The following TKFC variants were observed in gnomAD, a reference collection of about 807,000 sequenced individuals.
TKFC encodes the protein triokinase and FMN cyclase.
In TKFC, 46 loss-of-function variants were observed where a neutral mutation model predicts 61.0. That is an observed-to-expected ratio of 0.75 (90% CI 0.60 to 0.96). TKFC has a LOEUF of 0.96. Among genes scored for constraint, TKFC ranks in the 50% least tolerant of loss-of-function variants. TKFC has a pLI of 0.00. For synonymous variants in TKFC, 314 were observed against 330.1 expected (o/e 0.95, Z 0.53); for missense variants, 715 against 777.5 (o/e 0.92, Z 0.96).
In TKFC at chr11:61,348,544, A is replaced by T; in HGVS notation, c.*2041A>T. On this transcript the variant is annotated 3_prime_UTR_variant, in exon 18 of 18. Transcript: ENST00000394900. ...CTGTGTTGAAAGGCTCACCCCCACT[A>T]TGGTAGTGTTAGGACGTGGGGCCTT... The T allele has an allele frequency of 3.1e-6, 3 of 968,834 alleles. No homozygotes were observed. The highest frequency in any genetic ancestry group is 3.7e-6 in the Non-Finnish European group (3 of 814,794). The allele number at this position is 968,834 out of a possible 1,614,324, so 60.0% of individuals were successfully genotyped here. A position where few individuals can be genotyped will look rare whatever the true frequency, so the allele number is the denominator to read the frequency against.
In TKFC at chr11:61,346,269, C is replaced by T. The variant is rs774738861; in HGVS notation, c.1576-82C>T. ...CAAGGGCGTGCAGGGCCAGGCTGCA[C>T]GGCAGAGACGTTCTGCCCATGGCAG... On this transcript the variant is annotated intron_variant, in intron 17 of 17. Coordinates refer to ENST00000394900, the MANE Select transcript of TKFC (RefSeq NM_015533.4). The surrounding 1 kb of genome is among the most constrained non-coding windows in gnomAD (Gnocchi z 4.1). The T allele has an allele frequency of 5.6e-6, 9 of 1,599,736 alleles. No homozygotes were observed. Among genetic ancestry groups the T allele is most frequent in the Admixed American group, 3.4e-5 (2 of 59,654 alleles).
chr11:61,348,202 A>G lies in TKFC; in HGVS notation c.*1699A>G, dbSNP rs762752190. Reference sequence around the variant, plus strand: ...GTCATTTCCTGGCTGGGTGACCTCAACCTAGTCACCCTTTTTGAGTCTTGT... The same window carrying G: ...GTCATTTCCTGGCTGGGTGACCTCAGCCTAGTCACCCTTTTTGAGTCTTGT... On this transcript the variant is annotated 3_prime_UTR_variant, in exon 18 of 18. Coordinates refer to ENST00000394900, the MANE Select transcript of TKFC (RefSeq NM_015533.4). 1.0e-6 allele frequency: 1 copy of G among 985,246 alleles called. No homozygotes were observed. Among genetic ancestry groups the G allele is most frequent in the African/African-American group, 1.7e-5 (1 of 57,224 alleles). The allele number at this position is 985,246 out of a possible 1,614,324, so 61.0% of individuals were successfully genotyped here.
chr11:61,347,306 C>G lies in TKFC; in HGVS notation c.*803C>G, dbSNP rs1857177120. 12 of 977,030 alleles carry G rather than the reference C, an allele frequency of 1.2e-5. No homozygotes were observed. Among genetic ancestry groups the G allele is most frequent in the Non-Finnish European group, 1.5e-5 (12 of 822,504 alleles). The allele number at this position is 977,030 out of a possible 1,614,324, so 60.5% of individuals were successfully genotyped here. ...CCTGCAATCCCAGCACTTTGGGAGG[C>G]CAAGGCAGGCGGATCCCTTACACTC... is the stretch of plus-strand genomic sequence containing the variant. On this transcript the variant is annotated 3_prime_UTR_variant, in exon 18 of 18. Transcript: ENST00000394900.
At chr11:61,341,693 GGA>G in intron 6 of TKFC, 128 bp from the exon 7 acceptor site, 2 of 1,238,508 alleles carry the variant, frequency 1.6e-6, no homozygotes, top group Non-Finnish European at 1.2e-6. Flanking sequence ...TGGCTGAGGT[GGA>G]GAGTCTGGCA....
At chr11:61,349,789 C>T (rs997064234), downstream of TKFC, 68 of 627,306 alleles carry the variant, frequency 1.1e-4, 1 homozygote, top group African/African-American at 1.1e-3. Flanking sequence ...GATGTCTCCA[C>T]CCCACCTCAC....
rs1438573411 is a variant in TKFC at position 61,345,484 on chromosome 11, C to T, written c.1370C>T (p.Ala457Val). 1.7e-5 allele frequency: 27 copies of T among 1,613,210 alleles called. No homozygotes were observed. Among genetic ancestry groups the T allele is most frequent in the Non-Finnish European group, 2.3e-5 (27 of 1,180,034 alleles). Residue 457 changes from alanine to valine, a missense_variant, in exon 15 of 18, where the codon GCG becomes GTG. Physicochemically the swap from Ala to Val is moderately conservative, Grantham distance 64. Transcript: ENST00000394900. ...SGALYGLFLT[A>V]AAQPLKAKTS... ...CAGCTCTATGGCCTGTTCCTGACTGCGGCTGCACAGCCCCTGAAGGCCAAG... is the reference window on the plus strand; with the variant it reads ...CAGCTCTATGGCCTGTTCCTGACTGTGGCTGCACAGCCCCTGAAGGCCAAG...
At position 61,346,874 on chromosome 11, in the gene TKFC, T is replaced by C; in HGVS notation, c.*371T>C. ...AATGCTTTCCGCACCTTAACCCCAG[T>C]GAGCGTGAAAAAGAAAGTTAATAAA... is the stretch of plus-strand genomic sequence containing the variant. On this transcript the variant is annotated 3_prime_UTR_variant, in exon 18 of 18. Coordinates refer to ENST00000394900, the MANE Select transcript of TKFC (RefSeq NM_015533.4). This position sits in a 1 kb window ranked among gnomAD's most constrained non-coding sequence, Gnocchi z 4.1. The C allele has an allele frequency of 9.8e-7, 1 of 1,019,942 alleles. No individual in the cohort carries two copies. The highest frequency in any genetic ancestry group is 1.2e-6 in the Non-Finnish European group (1 of 852,582). The allele number at this position is 1,019,942 out of a possible 1,614,324, so 63.2% of individuals were successfully genotyped here.
In TKFC at chr11:61,342,839, C is replaced by G. The variant is rs1290876625; in HGVS notation, c.860C>G (p.Ser287Cys). Residue 287 changes from serine to cysteine, a missense_variant, in exon 10 of 18, where the codon TCC (serine) becomes TGC (cysteine). Transcript: ENST00000394900. ...LGIIADATVRSLEGRGVKIAR... is the reference protein window; with the variant it reads ...LGIIADATVRCLEGRGVKIAR... The stretch of plus-strand genomic sequence containing the variant: ...ATCATAGCCGACGCTACCGTCCGCT[C>G]CCTGGGTGAGCCATGCACTGGGAAG... The G allele has an allele frequency of 6.2e-7, 1 of 1,613,830 alleles. No individual in the cohort carries two copies. The highest frequency in any genetic ancestry group is 8.5e-7 in the Non-Finnish European group (1 of 1,180,008).
chr11:61,349,124 T>C lies in TKFC; in HGVS notation c.*2621T>C, dbSNP rs1590591676. On this transcript the variant is annotated 3_prime_UTR_variant, in exon 18 of 18. Transcript: ENST00000394900. The stretch of plus-strand genomic sequence containing the variant: ...AGCTTGGGACCTGGCAGTGCGTCTT[T>C]GGAGAAGGCAAAAAAGCCACAGCAG... The C allele has an allele frequency of 5.4e-6, 1 of 185,502 alleles. No homozygotes were observed. Among genetic ancestry groups the C allele is most frequent in the Non-Finnish European group, 1.2e-5 (1 of 86,094 alleles). The allele number at this position is 185,502 out of a possible 1,614,324, so 11.5% of individuals were successfully genotyped here.
At chr11:61,349,267 G>C, downstream of TKFC, 1 of 420,268 alleles carries the variant, frequency 2.4e-6, no homozygotes, top group Non-Finnish European at 4.5e-6. Context: ...AAGCAGCCAT[G>C]GTGGGGCCAG....
chr11:61,347,657 G>A lies in TKFC; in HGVS notation c.*1154G>A. On this transcript the variant is annotated 3_prime_UTR_variant, in exon 18 of 18. Coordinates refer to ENST00000394900, the MANE Select transcript of TKFC (RefSeq NM_015533.4). ...CACTGTATGCATGTGGAGACAAACA[G>A]CACATGCCTGGCACACATGTAGGGT... 1.0e-6 allele frequency: 1 copy of A among 985,420 alleles called. No individual in the cohort carries two copies. Among genetic ancestry groups the A allele is most frequent in the East Asian group, 1.1e-4 (1 of 8,816 alleles). 61.0% of individuals were successfully genotyped at this position (985,420 alleles called of 1,614,324 possible).
At chr11:61,343,776 G>A (rs1053043488) in intron 11 of TKFC, 80 bp from the exon 12 acceptor site, 18 of 1,540,148 alleles carry the variant, frequency 1.2e-5, no homozygotes, top group Non-Finnish European at 1.6e-5. Context: ...AGGCCACCAG[G>A]GTCAGGATGG....
intron 3 of TKFC, among the ~76,000 whole-genome samples, chr11:61,338,717 G>A (rs1182755642): frequency 3.3e-5 from 5 of 152,150 alleles, no homozygotes; most frequent in African/African-American, 9.7e-5. Flanking sequence ...CCCTGCCCTC[G>A]TGGAGCTTAT....
downstream of TKFC, chr11:61,350,242 C>T: frequency 1.1e-6 from 1 of 949,770 alleles, no homozygotes; most frequent in South Asian, 1.7e-5. Context: ...CAGCAAGCGG[C>T]CGGAGAGGGC....
At position 61,346,586 on chromosome 11, in the gene TKFC, C is replaced by T; in HGVS notation, c.*83C>T. 1 of 1,505,602 alleles carries T rather than the reference C, an allele frequency of 6.6e-7. No individual in the cohort carries two copies. The highest frequency in any genetic ancestry group is 1.3e-5 in the South Asian group (1 of 77,534). The allele number at this position is 1,505,602 out of a possible 1,614,324, so 93.3% of individuals were successfully genotyped here. A position where few individuals can be genotyped will look rare whatever the true frequency, so the allele number is the denominator to read the frequency against. ...TTGTCACTTCCTTCTGCCTTCCAAC[C>T]CTCACCTTCCCCCGGCCTGGCCCCA... On this transcript the variant is annotated 3_prime_UTR_variant, in exon 18 of 18. Coordinates refer to ENST00000394900, the MANE Select transcript of TKFC (RefSeq NM_015533.4). This position sits in a 1 kb window ranked among gnomAD's most constrained non-coding sequence, Gnocchi z 4.1.
rs1300113274 is a variant in TKFC at position 61,342,828 on chromosome 11, T to C, written c.849T>C (p.Ala283=). Residue 283 remains alanine (A), a synonymous_variant, in exon 10 of 18, where the codon GCT becomes GCC. Transcript: ENST00000394900. ...TGGAACTGGGCATCATAGCCGACGCTACCGTCCGCTCCCTGGGTGAGCCAT... is the reference window on the plus strand; with the variant it reads ...TGGAACTGGGCATCATAGCCGACGCCACCGTCCGCTCCCTGGGTGAGCCAT... The part of the protein sequence containing the change: ...SFLELGIIAD[A]TVRSLEGRGV... 5.0e-6 allele frequency: 8 copies of C among 1,613,870 alleles called. No individual in the cohort carries two copies. The Admixed American group carries it at 1.2e-4, about 24-fold the overall frequency.
chr11:61,351,533 C>G (rs534020488), downstream of TKFC: 1 of 154,166 alleles, frequency 6.5e-6, no homozygotes, highest in African/African-American at 2.4e-5. Context: ...TCATGATCCG[C>G]CCGCCTCGGC....
Position 61,338,127 on chromosome 11 carries a change from G to A in TKFC, c.190G>A (p.Ala64Thr). The A allele has an allele frequency of 1.3e-6, 2 of 1,590,510 alleles. No individual in the cohort carries two copies. The highest frequency in any genetic ancestry group is 1.7e-6 in the Non-Finnish European group (2 of 1,173,132). The part of the protein sequence containing the change: ...GGGSGHEPAH[A>T]GFIGKGMLTG... ...GGGCTCTGGCCATGAGCCTGCCCAT[G>A]CTGGTGAGTATCCTGGGGTGGGGCA... is the stretch of plus-strand genomic sequence containing the variant. The change falls in exon 3 of 18, where the codon GCT (alanine) becomes ACT (threonine). Residue 64 changes from alanine (A) to threonine (T), a missense_variant. By Grantham distance (58) the Ala-to-Thr change is moderately conservative. Coordinates refer to ENST00000394900, the MANE Select transcript of TKFC (RefSeq NM_015533.4).
At chr11:61,341,337 C>T (rs1856841819) in intron 5 of TKFC, 99 bp from the exon 6 acceptor site, 2 of 1,345,026 alleles carry the variant, frequency 1.5e-6, no homozygotes, top group Non-Finnish European at 1.0e-6. Flanking sequence ...TCCTGAGGTT[C>T]CCCCTTCCCA....
Sources: gnomAD v4.1 joint callset for allele counts (sites outside exome capture counted in the v4.1 genomes callset) on GRCh38, gnomAD v4.1.1 for gene constraint, Gnocchi (gnomAD v3.1) non-coding constraint, MANE v1.5 for transcripts, NCBI Gene and HGNC (gene_info 2026-07-23, HGNC 2026-07-21) for gene names.